The following ADCY2 variants were observed in gnomAD, a reference collection of about 807,000 sequenced individuals.
ADCY2 encodes the protein adenylate cyclase type 2.
ADCY2 carries 31 observed loss-of-function variants against 125.2 expected under a neutral mutation model. The ratio of observed to expected loss-of-function variants is 0.25; its 90% CI spans 0.19 to 0.33. The LOEUF is 0.33. ADCY2 is among the 10% of genes least tolerant of loss of function. The pLI, the probability that ADCY2 is intolerant of heterozygous loss-of-function variation, is 1.00. For synonymous variants in ADCY2, 512 were observed against 548.4 expected (o/e 0.93, Z 0.93); for missense variants, 904 against 1,418.2 (o/e 0.64, Z 5.82).
chr5:7,535,186 A>T (rs1434415807), intron 3 of ADCY2, among the ~76,000 whole-genome samples: 1 of 152,132 alleles, frequency 6.6e-6, no homozygotes, highest in African/African-American at 2.4e-5. Flanking sequence ...GATTATAGGC[A>T]CCTGCCACCA....
chr5:7,614,111 A>G lies in ADCY2; in HGVS notation c.571-12056A>G, dbSNP rs144537117. On this transcript the variant is annotated intron_variant, in intron 3 of 24. Coordinates refer to ENST00000338316, the MANE Select transcript of ADCY2 (RefSeq NM_020546.3). ...AATGTTATCCATAGTCATCAAACCTAATTCTAAGTTGACACAAGATGAGCT... is the reference window on the plus strand; with the variant it reads ...AATGTTATCCATAGTCATCAAACCTGATTCTAAGTTGACACAAGATGAGCT... Among the ~76,000 whole-genome samples, 742 of 152,354 alleles carry G rather than the reference A, an allele frequency of 4.9e-3. 1 individual carries two copies. The highest frequency in any genetic ancestry group is 7.6e-3 in the Non-Finnish European group (515 of 68,036).
At chr5:7,657,376 G>C (rs898479460) in intron 4 of ADCY2, among the ~76,000 whole-genome samples, 1 of 152,208 alleles carries the variant, frequency 6.6e-6, no homozygotes, top group Non-Finnish European at 1.5e-5. Flanking sequence ...AGAATGTGTA[G>C]ATTAGGGCAA....
At chr5:7,589,492 AAGAAAG>A (rs1158275375) in intron 3 of ADCY2, among the ~76,000 whole-genome samples, 15 of 65,622 alleles carry the variant, frequency 2.3e-4, no homozygotes, top group South Asian at 1.6e-3. Flanking sequence ...GAAAGAAAGA[AAGAAAG>A]AAAGAAAGAA....
chr5:7,463,274 A>G (rs1741979221), intron 2 of ADCY2, among the ~76,000 whole-genome samples: 1 of 152,146 alleles, frequency 6.6e-6, no homozygotes, highest in Non-Finnish European at 1.5e-5. Flanking sequence ...CTCTGCTAAC[A>G]CTGCCCCTCA....
intron 3 of ADCY2, among the ~76,000 whole-genome samples, chr5:7,599,965 T>C (rs1737147260): frequency 6.6e-6 from 1 of 151,232 alleles, no homozygotes; most frequent in Non-Finnish European, 1.5e-5. Flanking sequence ...AGTTAAAGGG[T>C]GGAAAGGGAG....
intron 3 of ADCY2, among the ~76,000 whole-genome samples, chr5:7,576,267 C>T (rs980086371): frequency 5.3e-5 from 8 of 152,138 alleles, no homozygotes; most frequent in Admixed American, 2.6e-4. Flanking sequence ...TCTTCAGCCT[C>T]GGTTTATGAC....
At chr5:7,443,188 G>T (rs1741077132) in intron 2 of ADCY2, among the ~76,000 whole-genome samples, 1 of 152,124 alleles carries the variant, frequency 6.6e-6, no homozygotes, top group East Asian at 1.9e-4. Context: ...TTAGGAGACA[G>T]AACTAGAAAC....
chr5:7,473,885 T>C (rs1452709173), intron 2 of ADCY2, among the ~76,000 whole-genome samples: 1 of 152,220 alleles, frequency 6.6e-6, no homozygotes, highest in Non-Finnish European at 1.5e-5. Flanking sequence ...CAGGGTTCTC[T>C]CCTTTCAGGC....
chr5:7,576,572 G>A (rs1736259700), intron 3 of ADCY2, among the ~76,000 whole-genome samples: 1 of 152,172 alleles, frequency 6.6e-6, no homozygotes, highest in South Asian at 2.1e-4. Context: ...ATAACAACAG[G>A]CCCTTTGAAA....
At chr5:7,731,016 T>C (rs1304737328) in intron 14 of ADCY2, among the ~76,000 whole-genome samples, 1 of 152,178 alleles carries the variant, frequency 6.6e-6, no homozygotes, top group East Asian at 1.9e-4. Context: ...CTGGAGTTCT[T>C]GTAGCTGCAT....
chr5:7,533,917 AT>A (rs1214162293), intron 3 of ADCY2, among the ~76,000 whole-genome samples: 2 of 152,178 alleles, frequency 1.3e-5, no homozygotes, highest in African/African-American at 4.8e-5. Flanking sequence ...AAATCCCCAT[AT>A]CACATGGTGC....
At chr5:7,556,297 G>A (rs1735505193) in intron 3 of ADCY2, among the ~76,000 whole-genome samples, 1 of 152,076 alleles carries the variant, frequency 6.6e-6, no homozygotes, top group Non-Finnish European at 1.5e-5. Context: ...CCCTAGAACT[G>A]CTCTACAGGA....
intron 3 of ADCY2, among the ~76,000 whole-genome samples, chr5:7,580,858 A>G (rs1736404511): frequency 6.6e-6 from 1 of 152,246 alleles, no homozygotes; most frequent in African/African-American, 2.4e-5. Flanking sequence ...GGGAAACAAT[A>G]TGAATGACTG....
intron 3 of ADCY2, among the ~76,000 whole-genome samples, chr5:7,610,849 G>A (rs2126643622): frequency 6.6e-6 from 1 of 152,218 alleles, no homozygotes; most frequent in South Asian, 2.1e-4. Context: ...TGCAAATTAT[G>A]GAATTTGGTT....
Position 7,698,385 on chromosome 5 carries a change from T to C in ADCY2, c.1109+11T>C, listed in dbSNP as rs1162869595. Reference sequence around the variant, plus strand: ...GTGTGAAGCCATAAAGTAAGTGGACTGCTTAGTAAGCATTTTGTTATATGC... The same window carrying C: ...GTGTGAAGCCATAAAGTAAGTGGACCGCTTAGTAAGCATTTTGTTATATGC... On this transcript the variant is annotated intron_variant, in intron 7 of 24. Coordinates refer to ENST00000338316, the MANE Select transcript of ADCY2 (RefSeq NM_020546.3). The C allele has an allele frequency of 1.2e-6, 2 of 1,613,844 alleles. No homozygotes were observed. The highest frequency in any genetic ancestry group is 2.7e-5 in the African/African-American group (2 of 74,940).
intron 1 of ADCY2, among the ~76,000 whole-genome samples, chr5:7,413,374 A>T (rs891424511): frequency 2.4e-4 from 37 of 151,876 alleles, no homozygotes; most frequent in African/African-American, 8.9e-4. Context: ...GGCTCACTGC[A>T]AGCTCCGCCT....
chr5:7,528,855 T>G (rs1480611248), intron 3 of ADCY2, among the ~76,000 whole-genome samples: 2 of 152,186 alleles, frequency 1.3e-5, no homozygotes, highest in Non-Finnish European at 2.9e-5. Context: ...GGGTAGTTTG[T>G]GAAAGATACT....
At chr5:7,767,887 C>T (rs1362525213) in intron 17 of ADCY2, among the ~76,000 whole-genome samples, 2 of 152,060 alleles carry the variant, frequency 1.3e-5, no homozygotes, top group East Asian at 1.9e-4. Context: ...AAAAATTAGC[C>T]GGATGTGGTG....
At chr5:7,820,438 C>T in intron 23 of ADCY2, 127 bp from the exon 24 acceptor site, 2 of 1,211,354 alleles carry the variant, frequency 1.7e-6, no homozygotes, top group Non-Finnish European at 2.3e-6. Context: ...AGGTTGCAGT[C>T]AGCCAAGATT....
Sources: allele counts gnomAD v4.1 joint callset (sites outside exome capture counted in the v4.1 genomes callset), GRCh38; gene constraint gnomAD v4.1.1; transcripts MANE v1.5; gene names NCBI Gene and HGNC (gene_info 2026-07-23, HGNC 2026-07-21).